NRXN3: variants seen among roughly 807,000 people sequenced by gnomAD.
NRXN3 encodes the protein neurexin 3.
A neutral mutation model predicts 137.6 loss-of-function variants in NRXN3; 32 were observed. The observed-to-expected ratio is 0.23, with a 90% CI of 0.18 to 0.31. The LOEUF (loss-of-function observed/expected upper bound fraction) is 0.31. NRXN3 is among the 10% of genes least tolerant of loss of function. The pLI, the probability that NRXN3 is intolerant of heterozygous loss-of-function variation, is 1.00. For synonymous variants in NRXN3, 798 were observed against 784.5 expected, an observed-to-expected ratio of 1.02 and a Z score of -0.29; for missense variants, 1,574 against 2,062.5, an observed-to-expected ratio of 0.76 and a Z score of 4.59.
At chr14:78,977,958 A>C (rs1000691164) in intron 14 of NRXN3, among the ~76,000 whole-genome samples, 4 of 152,124 alleles carry the variant, frequency 2.6e-5, no homozygotes, top group African/African-American at 9.7e-5. Flanking sequence ...CACCAATAAA[A>C]GGCCACTGGG....
At chr14:79,169,712 A>G (rs957805517) in intron 15 of NRXN3, among the ~76,000 whole-genome samples, 4 of 152,114 alleles carry the variant, frequency 2.6e-5, no homozygotes, top group African/African-American at 9.7e-5. Context: ...AATATAATTC[A>G]CAGGGGTAAA....
At chr14:78,397,008 C>A (rs1398524022) in intron 4 of NRXN3, among the ~76,000 whole-genome samples, 1 of 152,120 alleles carries the variant, frequency 6.6e-6, no homozygotes, top group Non-Finnish European at 1.5e-5. Context: ...AGACCCTACC[C>A]TTATGACCTC....
chr14:78,852,624 A>G (rs143602324), intron 10 of NRXN3, among the ~76,000 whole-genome samples: 6 of 152,224 alleles, frequency 3.9e-5, no homozygotes, highest in African/African-American at 1.4e-4. Flanking sequence ...CTTTGTTAGA[A>G]TTTCTGGTTA....
chr14:78,577,012 T>C (rs908476087), intron 4 of NRXN3, among the ~76,000 whole-genome samples: 2 of 152,230 alleles, frequency 1.3e-5, no homozygotes, highest in African/African-American at 4.8e-5. Context: ...CTTTTAAGGC[T>C]GCACAGTTTT....
At chr14:79,005,550 G>A (rs774626019) in intron 15 of NRXN3, among the ~76,000 whole-genome samples, 3 of 152,038 alleles carry the variant, frequency 2.0e-5, no homozygotes, top group Admixed American at 6.6e-5. Flanking sequence ...AACCTCCCTG[G>A]CAATTAAGAC....
chr14:79,392,301 A>G (rs2887911), intron 15 of NRXN3, among the ~76,000 whole-genome samples: 105,570 of 151,604 alleles, frequency 0.7, 37,060 homozygotes, highest in Middle Eastern at 0.85. Flanking sequence ...AGCTTCATCC[A>G]TGTCCCTGCG....
At chr14:79,008,101 G>T (rs569278590) in intron 15 of NRXN3, among the ~76,000 whole-genome samples, 2 of 152,196 alleles carry the variant, frequency 1.3e-5, no homozygotes, top group South Asian at 2.1e-4. Context: ...ATAAGAAGGG[G>T]TTATTCGGTA....
intron 15 of NRXN3, among the ~76,000 whole-genome samples, chr14:79,389,008 C>T (rs1187474974): frequency 6.6e-6 from 1 of 152,146 alleles, no homozygotes; most frequent in Non-Finnish European, 1.5e-5. Context: ...GAGGCCTCTC[C>T]AGCTATGTGG....
At chr14:78,394,668 A>G (rs567487428) in intron 4 of NRXN3, among the ~76,000 whole-genome samples, 5 of 151,956 alleles carry the variant, frequency 3.3e-5, no homozygotes, top group African/African-American at 9.6e-5. Flanking sequence ...GTTTGGTAGA[A>G]TATTCCAGGG....
chr14:78,556,100 G>C (rs2096734314), intron 4 of NRXN3, among the ~76,000 whole-genome samples: 1 of 152,178 alleles, frequency 6.6e-6, no homozygotes, highest in South Asian at 2.1e-4. Context: ...TCTAGCACAG[G>C]CTGCTGCTGA....
At chr14:78,808,402 G>T (rs1159401017) in intron 9 of NRXN3, among the ~76,000 whole-genome samples, 1 of 152,146 alleles carries the variant, frequency 6.6e-6, no homozygotes, top group Non-Finnish European at 1.5e-5. Flanking sequence ...CCTTGGGTTT[G>T]TTGCTTTAGG....
At chr14:78,571,779 G>A (rs2096892052) in intron 4 of NRXN3, among the ~76,000 whole-genome samples, 1 of 152,200 alleles carries the variant, frequency 6.6e-6, no homozygotes, top group Admixed American at 6.5e-5. Context: ...CCCATGTGAT[G>A]AGTCTGTGTT....
intron 8 of NRXN3, among the ~76,000 whole-genome samples, chr14:78,777,449 T>C (rs2098748266): frequency 6.6e-6 from 1 of 152,212 alleles, no homozygotes; most frequent in Admixed American, 6.5e-5. Context: ...CTCTGTTTTA[T>C]CTATCAGAGA....
At chr14:78,690,970 T>C (rs1341947755) in intron 6 of NRXN3, among the ~76,000 whole-genome samples, 4 of 152,112 alleles carry the variant, frequency 2.6e-5, no homozygotes, top group Admixed American at 2.6e-4. Context: ...AAGAGAGCCT[T>C]CATCAGATGC....
At chr14:78,485,565 G>C (rs1222360487) in intron 4 of NRXN3, among the ~76,000 whole-genome samples, 2 of 152,168 alleles carry the variant, frequency 1.3e-5, no homozygotes, top group African/African-American at 4.8e-5. Flanking sequence ...TGTAGTAAAT[G>C]CTCAACAAAT....
At chr14:79,009,851 C>T (rs750051548) in intron 15 of NRXN3, among the ~76,000 whole-genome samples, 6 of 152,154 alleles carry the variant, frequency 3.9e-5, no homozygotes, top group Non-Finnish European at 8.8e-5. Flanking sequence ...CTTCCTTCAG[C>T]CTTGGAGTAA....
At chr14:79,412,390 T>C (rs978193878) in intron 15 of NRXN3, among the ~76,000 whole-genome samples, 3 of 152,030 alleles carry the variant, frequency 2.0e-5, no homozygotes, top group Non-Finnish European at 4.4e-5. Context: ...AATGCTATGG[T>C]CAAAGAAGCT....
At chr14:79,058,419 G>T (rs1055480212) in intron 15 of NRXN3, among the ~76,000 whole-genome samples, 1 of 152,040 alleles carries the variant, frequency 6.6e-6, no homozygotes, top group African/African-American at 2.4e-5. Context: ...ATGGAACACA[G>T]GCTTGAGAAG....
intron 10 of NRXN3, among the ~76,000 whole-genome samples, chr14:78,822,472 C>A (rs543035353): frequency 2.6e-5 from 4 of 151,974 alleles, no homozygotes; most frequent in Admixed American, 1.3e-4. Context: ...GTCAGGAGTT[C>A]GAGACCATCC....
Sources: allele counts gnomAD v4.1 joint callset (sites outside exome capture counted in the v4.1 genomes callset), GRCh38; gene constraint gnomAD v4.1.1; transcripts MANE v1.5; gene names NCBI Gene and HGNC (gene_info 2026-07-23, HGNC 2026-07-21).